MARCHF1: variants seen among roughly 807,000 people sequenced by gnomAD.
MARCHF1 encodes E3 ubiquitin-protein ligase MARCHF1.
Under a neutral mutation model 54.2 loss-of-function variants are expected in MARCHF1, and 40 were observed. The observed-to-expected ratio is 0.74, with a 90% confidence interval of 0.57 to 0.96. The LOEUF is 0.96. MARCHF1 is among the 40% of genes least tolerant of loss of function. The probability of loss-of-function intolerance (pLI) is 0.00; values close to 1 mark genes in which losing one functional copy is unlikely to be tolerated. For synonymous variants in MARCHF1, 236 were observed against 236.3 expected, an observed-to-expected ratio of 1.00 and a Z score of 0.01; for missense variants, 586 against 656.5, an observed-to-expected ratio of 0.89 and a Z score of 1.17.
At chr4:163,968,446 A>G (rs1450661150) in intron 3 of MARCHF1, among the ~76,000 whole-genome samples, 3 of 152,180 alleles carry the variant, frequency 2.0e-5, no homozygotes, top group Admixed American at 2.0e-4. Flanking sequence ...CAAAGACATA[A>G]TAACAGACCT....
In MARCHF1 at chr4:163,628,968, A is replaced by G. The variant is rs962791030; in HGVS notation, c.163-15575T>C. 3.3e-5 allele frequency among the ~76,000 whole-genome samples: 5 copies of G among 152,234 alleles called. 1 individual carries two copies. Among genetic ancestry groups the G allele is most frequent in the Admixed American group, 2.6e-4 (4 of 15,284 alleles). On this transcript the variant is annotated intron_variant, in intron 5 of 9. Coordinates refer to ENST00000514618, the MANE Select transcript of MARCHF1 (RefSeq NM_001394959.1). ...AAGAATCAATATTGTGAAAATGGCC[A>G]TACTGCCCAAAGTAATTTATAGATT...
chr4:163,554,022 G>T (rs542845488), intron 8 of MARCHF1, among the ~76,000 whole-genome samples: 2 of 152,196 alleles, frequency 1.3e-5, no homozygotes, highest in African/African-American at 4.8e-5. Context: ...ACATTTTTGG[G>T]GTTAGCTGAT....
At chr4:163,661,760 G>A (rs1469601439) in intron 5 of MARCHF1, among the ~76,000 whole-genome samples, 1 of 152,022 alleles carries the variant, frequency 6.6e-6, no homozygotes, top group Admixed American at 6.6e-5. Context: ...TGCCCATGCA[G>A]TGTATCTTCT....
At chr4:163,986,249 C>CTTCTTTTT (rs1752864721) in intron 3 of MARCHF1, among the ~76,000 whole-genome samples, 1 of 28,830 alleles carries the variant, frequency 3.5e-5, no homozygotes, top group Non-Finnish European at 7.7e-5. Context: ...TTAACCTCTT[C>CTTCTTTTT]TTTTTTTTTT....
chr4:163,969,446 T>C lies in MARCHF1; in HGVS notation c.-39+19055A>G, dbSNP rs114814078. The stretch of plus-strand genomic sequence containing the variant: ...GGAAGATGTCATTCTTTTGGAGATA[T>C]TGATTCTTGCCAATACAGTTGGAAC... On this transcript the variant is annotated intron_variant, in intron 3 of 9. Transcript: ENST00000514618. 6.2e-3 allele frequency among the ~76,000 whole-genome samples: 950 copies of C among 152,308 alleles called. 4 individuals are homozygous for C. The highest frequency in any genetic ancestry group is 0.015 in the South Asian group (72 of 4,828).
At chr4:163,929,515 T>TA (rs1560823405) in intron 3 of MARCHF1, among the ~76,000 whole-genome samples, 2 of 152,042 alleles carry the variant, frequency 1.3e-5, no homozygotes, top group Non-Finnish European at 2.9e-5. Flanking sequence ...GAAAAGCTCT[T>TA]ACAGTTCATT....
intron 2 of MARCHF1, among the ~76,000 whole-genome samples, chr4:164,065,519 G>A (rs1754708245): frequency 6.6e-6 from 1 of 152,186 alleles, no homozygotes; most frequent in African/African-American, 2.4e-5. Context: ...CAGAATGGAG[G>A]AGGATTTTTG....
chr4:164,050,834 G>A (rs1754349241), intron 2 of MARCHF1, among the ~76,000 whole-genome samples: 1 of 152,156 alleles, frequency 6.6e-6, no homozygotes, highest in African/African-American at 2.4e-5. Context: ...TGGGGAGGCT[G>A]AGGCAGGAGA....
At chr4:163,986,246 CTT>C (rs35756964) in intron 3 of MARCHF1, among the ~76,000 whole-genome samples, 1 of 73,758 alleles carries the variant, frequency 1.4e-5, no homozygotes, top group African/African-American at 4.5e-5. Flanking sequence ...TAATTAACCT[CTT>C]CTTTTTTTTT....
At chr4:163,662,606 T>C (rs1743380786) in intron 5 of MARCHF1, among the ~76,000 whole-genome samples, 1 of 152,076 alleles carries the variant, frequency 6.6e-6, no homozygotes, top group Non-Finnish European at 1.5e-5. Flanking sequence ...TCTCTGTCTC[T>C]GATAGAAATT....
intron 3 of MARCHF1, among the ~76,000 whole-genome samples, chr4:163,911,157 C>G (rs1217553307): frequency 6.6e-6 from 1 of 152,170 alleles, no homozygotes; most frequent in Admixed American, 6.5e-5. Flanking sequence ...GTTTGGACTA[C>G]AGACGACAAT....
chr4:163,814,456 T>G (rs892003499), intron 4 of MARCHF1, among the ~76,000 whole-genome samples: 1 of 152,156 alleles, frequency 6.6e-6, no homozygotes, highest in African/African-American at 2.4e-5. Context: ...TGGTGGCGCA[T>G]GCCCGTAATC....
intron 1 of MARCHF1, among the ~76,000 whole-genome samples, chr4:164,157,956 G>C (rs1730121323): frequency 6.6e-6 from 1 of 152,088 alleles, no homozygotes; most frequent in Non-Finnish European, 1.5e-5. Context: ...TCCAGCGATG[G>C]TTTTCCAATG....
intron 3 of MARCHF1, among the ~76,000 whole-genome samples, chr4:163,927,979 T>C (rs569901069): frequency 6.6e-6 from 1 of 152,026 alleles, no homozygotes; most frequent in African/African-American, 2.4e-5. Flanking sequence ...TGTTATTTGT[T>C]ATCCAAGTTC....
chr4:163,959,340 A>C (rs901029328), intron 3 of MARCHF1, among the ~76,000 whole-genome samples: 36 of 146,528 alleles, frequency 2.5e-4, no homozygotes, highest in African/African-American at 8.3e-4. Flanking sequence ...CAAAAAAAAA[A>C]AACAACAAAA....
At chr4:164,190,288 GC>G in intron 1 of MARCHF1, 1 of 801,124 alleles carries the variant, frequency 1.2e-6, no homozygotes, top group Admixed American at 2.3e-5. Flanking sequence ...GGAAGTGCAA[GC>G]CCTCTCCCAG....
At chr4:163,639,245 A>G (rs760623926) in intron 5 of MARCHF1, among the ~76,000 whole-genome samples, 10 of 152,184 alleles carry the variant, frequency 6.6e-5, no homozygotes, top group Non-Finnish European at 1.5e-4. Context: ...CTTTGAGTAC[A>G]TAGCTGAAAC....
At chr4:163,984,379 G>A (rs1752821414) in intron 3 of MARCHF1, among the ~76,000 whole-genome samples, 1 of 152,192 alleles carries the variant, frequency 6.6e-6, no homozygotes, top group Non-Finnish European at 1.5e-5. Context: ...TGGTCAGCTT[G>A]AGAGTGAGAA....
chr4:164,045,427 G>A (rs371256684), intron 2 of MARCHF1, among the ~76,000 whole-genome samples: 278 of 151,884 alleles, frequency 1.8e-3, no homozygotes, highest in Middle Eastern at 0.01. Flanking sequence ...CAGGAGAATC[G>A]CTTGAACCTG....
Sources: gnomAD v4.1 joint callset for allele counts (sites outside exome capture counted in the v4.1 genomes callset) on GRCh38, gnomAD v4.1.1 for gene constraint, MANE v1.5 for transcripts, NCBI Gene and HGNC (gene_info 2026-07-23, HGNC 2026-07-21) for gene names.